RSRC1: variants seen among roughly 807,000 people sequenced by gnomAD.
The protein encoded by RSRC1 is arginine and serine rich coiled-coil 1.
Under a neutral mutation model 49.1 loss-of-function variants are expected in RSRC1, and 39 were observed. The ratio of observed to expected loss-of-function variants is 0.79; its 90% confidence interval spans 0.61 to 1.04. The LOEUF (loss-of-function observed/expected upper bound fraction) is 1.04. Ranked by LOEUF, RSRC1 falls within the 50% of genes least tolerant of loss-of-function variation. The pLI, the probability that RSRC1 is intolerant of heterozygous loss-of-function variation, is 0.00. For missense variants in RSRC1, 388 were observed against 402.4 expected (o/e 0.96, Z 0.31); for synonymous variants, 143 against 130.8 (o/e 1.09, Z -0.63).
intron 4 of RSRC1, among the ~76,000 whole-genome samples, chr3:158,211,328 A>G (rs532298188): frequency 2.6e-5 from 4 of 152,074 alleles, no homozygotes; most frequent in African/African-American, 7.2e-5. Flanking sequence ...TGCCTCATAC[A>G]AATATACATG....
At chr3:158,260,140 A>G (rs1384378852) in intron 4 of RSRC1, among the ~76,000 whole-genome samples, 1 of 88,346 alleles carries the variant, frequency 1.1e-5, no homozygotes, top group Non-Finnish European at 2.3e-5. Context: ...TCCTTTTCTG[A>G]AGGAGGAGTC....
At chr3:158,495,734 C>G (rs983659605) in intron 7 of RSRC1, among the ~76,000 whole-genome samples, 1 of 152,184 alleles carries the variant, frequency 6.6e-6, no homozygotes, top group African/African-American at 2.4e-5. Context: ...AAATCCAGCC[C>G]ACCACCAAGT....
At chr3:158,260,433 G>A (rs1330033954) in intron 4 of RSRC1, among the ~76,000 whole-genome samples, 1 of 152,090 alleles carries the variant, frequency 6.6e-6, no homozygotes, top group Non-Finnish European at 1.5e-5. Flanking sequence ...TGGTATCCCA[G>A]TTGCAAGACA....
At chr3:158,229,693 G>A (rs1722844005) in intron 4 of RSRC1, among the ~76,000 whole-genome samples, 1 of 151,730 alleles carries the variant, frequency 6.6e-6, no homozygotes, top group East Asian at 1.9e-4. Context: ...TGCAAGAAGA[G>A]CATAAAGAAC....
intron 4 of RSRC1, among the ~76,000 whole-genome samples, chr3:158,288,980 CT>C (rs1422920046): frequency 6.6e-6 from 1 of 151,696 alleles, no homozygotes; most frequent in Non-Finnish European, 1.5e-5. Context: ...TTTTTTCTTG[CT>C]TTTTTTCTGT....
At chr3:158,342,907 A>C (rs1438783563) in intron 5 of RSRC1, among the ~76,000 whole-genome samples, 1 of 152,236 alleles carries the variant, frequency 6.6e-6, no homozygotes, top group African/African-American at 2.4e-5. Flanking sequence ...ATTCTAGATC[A>C]TGCTACAAAG....
intron 1 of RSRC1, 93 bp downstream of exon 1, chr3:158,110,316 A>T (rs1456877264): frequency 6.6e-6 from 1 of 152,356 alleles, no homozygotes; most frequent in Non-Finnish European, 1.5e-5. Flanking sequence ...GGCCTGGCGC[A>T]GTTTGCGGCT....
At chr3:158,170,688 A>C (rs913898718) in intron 3 of RSRC1, among the ~76,000 whole-genome samples, 2 of 152,240 alleles carry the variant, frequency 1.3e-5, no homozygotes, top group Admixed American at 6.5e-5. Context: ...TGGGCAAGGG[A>C]AGCAAAGACC....
At chr3:158,285,072 A>T (rs933976752) in intron 4 of RSRC1, among the ~76,000 whole-genome samples, 4 of 152,198 alleles carry the variant, frequency 2.6e-5, no homozygotes, top group Non-Finnish European at 5.9e-5. Flanking sequence ...ATTTTCGTAT[A>T]AGGTGTAAGG....
intron 4 of RSRC1, among the ~76,000 whole-genome samples, chr3:158,274,886 G>A (rs1179071076): frequency 1.3e-5 from 2 of 152,082 alleles, no homozygotes; most frequent in African/African-American, 4.8e-5. Context: ...TAGCCTATGG[G>A]AATACACACA....
At chr3:158,327,126 T>C (rs1423379560) in intron 5 of RSRC1, among the ~76,000 whole-genome samples, 2 of 152,182 alleles carry the variant, frequency 1.3e-5, no homozygotes, top group African/African-American at 2.4e-5. Flanking sequence ...GATTCTTCTC[T>C]CTTCTTTATT....
intron 7 of RSRC1, among the ~76,000 whole-genome samples, chr3:158,534,635 C>T (rs959401187): frequency 2.0e-5 from 3 of 151,446 alleles, no homozygotes; most frequent in East Asian, 3.9e-4. Flanking sequence ...TACAAAAATA[C>T]GAAATTACAC....
intron 5 of RSRC1, among the ~76,000 whole-genome samples, chr3:158,343,096 A>G (rs1224965662): frequency 6.6e-6 from 1 of 152,230 alleles, no homozygotes; most frequent in Non-Finnish European, 1.5e-5. Context: ...TACATGCATA[A>G]GAGGAAACTG....
At chr3:158,479,801 C>G (rs1407977595) in intron 7 of RSRC1, among the ~76,000 whole-genome samples, 1 of 152,000 alleles carries the variant, frequency 6.6e-6, no homozygotes, top group East Asian at 1.9e-4. Flanking sequence ...GCTAATTTAA[C>G]TGATCCATCA....
intron 4 of RSRC1, among the ~76,000 whole-genome samples, chr3:158,205,192 C>G (rs1349145052): frequency 6.6e-6 from 1 of 152,046 alleles, no homozygotes; most frequent in Non-Finnish European, 1.5e-5. Context: ...TGTGGGTAGT[C>G]TGCATTATGG....
intron 6 of RSRC1, among the ~76,000 whole-genome samples, chr3:158,423,666 G>C (rs368227562): frequency 2.6e-5 from 4 of 152,092 alleles, no homozygotes; most frequent in Admixed American, 6.6e-5. Context: ...ATTACCTTGG[G>C]CAGTATGGCC....
intron 3 of RSRC1, among the ~76,000 whole-genome samples, chr3:158,151,756 T>C (rs1198932139): frequency 6.6e-6 from 1 of 152,130 alleles, no homozygotes; most frequent in East Asian, 1.9e-4. Flanking sequence ...ATGCAAAAAG[T>C]TCTGGGAGGA....
At chr3:158,138,658 A>C (rs1361850222) in intron 3 of RSRC1, among the ~76,000 whole-genome samples, 1 of 152,142 alleles carries the variant, frequency 6.6e-6, no homozygotes, top group Admixed American at 6.6e-5. Context: ...TTTTTTCTCT[A>C]TATCTTTGTT....
At chr3:158,142,857 C>T (rs1716834787) in intron 3 of RSRC1, among the ~76,000 whole-genome samples, 1 of 152,128 alleles carries the variant, frequency 6.6e-6, no homozygotes, top group Non-Finnish European at 1.5e-5. Context: ...AAGTGCCTCT[C>T]TCTCCCTCAC....
Sources: allele counts gnomAD v4.1 joint callset (sites outside exome capture counted in the v4.1 genomes callset), GRCh38; gene constraint gnomAD v4.1.1; transcripts MANE v1.5; gene names NCBI Gene and HGNC (gene_info 2026-07-23, HGNC 2026-07-21).